Variants in RALGAPA2 observed in about 807,000 individuals in gnomAD.
RALGAPA2 encodes Ral GTPase activating protein catalytic subunit alpha 2, also known as ral GTPase-activating protein subunit alpha-2.
Under a neutral mutation model 230.4 loss-of-function variants are expected in RALGAPA2, and 139 were observed. The ratio of observed to expected loss-of-function variants is 0.60; its 90% CI spans 0.53 to 0.69. RALGAPA2 has a LOEUF of 0.69. Among genes scored for constraint, RALGAPA2 ranks in the 30% least tolerant of loss-of-function variants. The pLI, the probability that RALGAPA2 is intolerant of heterozygous loss-of-function variation, is 0.00. For missense variants in RALGAPA2, 2,163 were observed against 2,276.0 expected (o/e 0.95, Z 1.01); for synonymous variants, 847 against 837.8 (o/e 1.01, Z -0.19).
Position 20,674,018 on chromosome 20 carries a change from T to C in RALGAPA2, c.270+2218A>G, listed in dbSNP as rs559817713. On this transcript the variant is annotated intron_variant, in intron 3 of 39. Transcript: ENST00000202677. Reference sequence around the variant, plus strand: ...GCCTAGACAACATAGGGAGACCCTATGTCTACAACAAATTAAAAAGAAAAA... The same window carrying C: ...GCCTAGACAACATAGGGAGACCCTACGTCTACAACAAATTAAAAAGAAAAA... 8.8e-4 allele frequency among the ~76,000 whole-genome samples: 133 copies of C among 151,990 alleles called. 1 individual carries two copies. Among genetic ancestry groups the C allele is most frequent in the Admixed American group, 3.3e-4 (5 of 15,250 alleles).
intron 34 of RALGAPA2, chr20:20,505,011 C>T (rs2062490432): frequency 2.0e-6 from 2 of 984,828 alleles, no homozygotes; most frequent in Non-Finnish European, 2.4e-6. Flanking sequence ...TTCATTGCAA[C>T]TTTTGACTTC....
chr20:20,610,771 T>C (rs2146279761), intron 14 of RALGAPA2, among the ~76,000 whole-genome samples: 1 of 152,216 alleles, frequency 6.6e-6, no homozygotes, highest in South Asian at 2.1e-4. Flanking sequence ...TAGAACATTC[T>C]CAACCAACTA....
chr20:20,452,575 A>G (rs2061011968), intron 37 of RALGAPA2, among the ~76,000 whole-genome samples: 1 of 152,250 alleles, frequency 6.6e-6, no homozygotes, highest in African/African-American at 2.4e-5. Context: ...TGTACGGAGC[A>G]GCAGGAACAG....
intron 1 of RALGAPA2, among the ~76,000 whole-genome samples, chr20:20,692,810 G>A (rs1174719773): frequency 6.6e-6 from 1 of 152,246 alleles, no homozygotes; most frequent in East Asian, 1.9e-4. Flanking sequence ...GAGGTGGAAA[G>A]CATCTGGACT....
In RALGAPA2 at chr20:20,393,064, C is replaced by T. The variant is rs771936059; in HGVS notation, c.*225G>A. On this transcript the variant is annotated 3_prime_UTR_variant, in exon 40 of 40. Coordinates refer to ENST00000202677, the MANE Select transcript of RALGAPA2 (RefSeq NM_020343.4). Reference sequence around the variant, plus strand: ...CCTAGTTTGAGTCCCATCTGAGACACGGTAGTGGGATTCACCATGGGCTTC... The same window carrying T: ...CCTAGTTTGAGTCCCATCTGAGACATGGTAGTGGGATTCACCATGGGCTTC... The T allele has an allele frequency of 1.8e-5, 24 of 1,323,758 alleles. No homozygotes were observed. Among genetic ancestry groups the T allele is most frequent in the East Asian group, 9.7e-5 (2 of 20,666 alleles). 82.0% of individuals were successfully genotyped at this position (1,323,758 alleles called of 1,614,324 possible). A position where few individuals can be genotyped will look rare whatever the true frequency, so the allele number is the denominator to read the frequency against.
chr20:20,644,384 T>C (rs527418964), intron 4 of RALGAPA2, among the ~76,000 whole-genome samples: 11 of 152,316 alleles, frequency 7.2e-5, no homozygotes, highest in African/African-American at 2.6e-4. Flanking sequence ...TAATATTTAC[T>C]CCACCAATGA....
chr20:20,577,890 C>T (rs184274393), intron 20 of RALGAPA2, among the ~76,000 whole-genome samples: 171 of 152,218 alleles, frequency 1.1e-3, no homozygotes, highest in Non-Finnish European at 2.2e-3. Context: ...AGAGATTGGT[C>T]CCCAGCATCC....
At chr20:20,415,579 C>T (rs935547527) in intron 37 of RALGAPA2, among the ~76,000 whole-genome samples, 3 of 152,204 alleles carry the variant, frequency 2.0e-5, no homozygotes, top group African/African-American at 7.2e-5. Flanking sequence ...ATTCTGTTCA[C>T]ATTTTCACAT....
intron 13 of RALGAPA2, among the ~76,000 whole-genome samples, chr20:20,615,185 G>A (rs2066099153): frequency 1.4e-5 from 2 of 144,946 alleles, no homozygotes; most frequent in African/African-American, 2.6e-5. Flanking sequence ...TTTTTCCCGA[G>A]ACAAGAGTCT....
chr20:20,641,527 A>T (rs1330663353), intron 5 of RALGAPA2, among the ~76,000 whole-genome samples: 2 of 152,212 alleles, frequency 1.3e-5, no homozygotes, highest in African/African-American at 2.4e-5. Context: ...AATTGCCAGC[A>T]TCACGCTGTA....
At chr20:20,642,336 G>A (rs1195978132) in intron 5 of RALGAPA2, among the ~76,000 whole-genome samples, 2 of 151,878 alleles carry the variant, frequency 1.3e-5, no homozygotes, top group South Asian at 2.1e-4. Context: ...TCAGCCTCCC[G>A]AGTAGCTGAG....
chr20:20,555,884 T>C (rs2064069574), intron 23 of RALGAPA2, among the ~76,000 whole-genome samples: 1 of 152,212 alleles, frequency 6.6e-6, no homozygotes, highest in African/African-American at 2.4e-5. Flanking sequence ...CTTTCCAGTC[T>C]GAATGGCTTT....
intron 37 of RALGAPA2, among the ~76,000 whole-genome samples, chr20:20,413,062 T>C (rs2060094086): frequency 6.6e-6 from 1 of 152,230 alleles, no homozygotes; most frequent in African/African-American, 2.4e-5. Flanking sequence ...GAAGTCCGCA[T>C]GACGTCTCAT....
At chr20:20,652,697 G>A (rs1033891362) in intron 4 of RALGAPA2, among the ~76,000 whole-genome samples, 12 of 152,162 alleles carry the variant, frequency 7.9e-5, no homozygotes, top group African/African-American at 2.7e-4. Flanking sequence ...TGTTTAAAAC[G>A]GAAGGCAGAA....
chr20:20,543,473 A>G (rs963718168), intron 24 of RALGAPA2, among the ~76,000 whole-genome samples: 32 of 152,218 alleles, frequency 2.1e-4, no homozygotes, highest in Non-Finnish European at 7.3e-5. Flanking sequence ...AAGACTTGGA[A>G]CCAACCCAAA....
rs1482244867 is a variant in RALGAPA2 at position 20,391,114 on chromosome 20, T to A, written c.*2175A>T. 1 of 152,150 alleles carries A rather than the reference T, an allele frequency of 6.6e-6. No individual in the cohort carries two copies. The highest frequency in any genetic ancestry group is 2.4e-5 in the African/African-American group (1 of 41,428). The allele number at this position is 152,150 out of a possible 1,614,324, so 9.4% of individuals were successfully genotyped here. ...TCTAGAGCCTGAAGATGAAACGTTC[T>A]CCCAGAGGCGACCTGCTGGTAGAGA... is the stretch of plus-strand genomic sequence containing the variant. On this transcript the variant is annotated 3_prime_UTR_variant, in exon 40 of 40. Coordinates refer to ENST00000202677, the MANE Select transcript of RALGAPA2 (RefSeq NM_020343.4).
At chr20:20,647,446 C>G (rs1603191160) in intron 4 of RALGAPA2, among the ~76,000 whole-genome samples, 1 of 152,096 alleles carries the variant, frequency 6.6e-6, no homozygotes, top group African/African-American at 2.4e-5. Flanking sequence ...AACCAGCATT[C>G]CACTAAAAAA....
At chr20:20,656,746 A>G (rs1030229077) in intron 3 of RALGAPA2, among the ~76,000 whole-genome samples, 9 of 152,204 alleles carry the variant, frequency 5.9e-5, no homozygotes, top group African/African-American at 2.2e-4. Context: ...AAACTCAAAC[A>G]TCCCCATGGG....
At chr20:20,477,110 A>G (rs2061671104) in intron 36 of RALGAPA2, among the ~76,000 whole-genome samples, 1 of 152,224 alleles carries the variant, frequency 6.6e-6, no homozygotes, top group South Asian at 2.1e-4. Flanking sequence ...GGAGGCTGGC[A>G]ACATCCTCTA....
Sources: allele counts gnomAD v4.1 joint callset (sites outside exome capture counted in the v4.1 genomes callset), GRCh38; gene constraint gnomAD v4.1.1; transcripts MANE v1.5; gene names NCBI Gene and HGNC (gene_info 2026-07-23, HGNC 2026-07-21).